Variants in PPAN observed in about 807,000 individuals in gnomAD.
PPAN encodes the protein peter pan homolog.
In PPAN, 39 loss-of-function variants were observed where a neutral mutation model predicts 48.5. The ratio of observed to expected loss-of-function variants is 0.80; its 90% CI spans 0.62 to 1.05. The LOEUF (loss-of-function observed/expected upper bound fraction) is 1.05. Ranked by LOEUF, PPAN falls within the 50% of genes least tolerant of loss-of-function variation. PPAN has a pLI of 0.00. For synonymous variants in PPAN, 315 were observed against 268.6 expected (o/e 1.17, Z -1.69); for missense variants, 736 against 661.7 (o/e 1.11, Z -1.23).
At position 10,110,438 on chromosome 19, in the gene PPAN, G is replaced by C. The variant is rs765996535; in HGVS notation, c.901+36G>C. On this transcript the variant is annotated intron_variant, in intron 9 of 11. Coordinates refer to ENST00000253107, the MANE Select transcript of PPAN (RefSeq NM_020230.7). This position sits in a 1 kb window ranked among gnomAD's most constrained non-coding sequence, Gnocchi z 5.9. ...GGCCGCCGGGGGTGGGGGGTCATGGGTGTGGAGCTGCACCCGGATCTTGGT... is the reference window on the plus strand; with the variant it reads ...GGCCGCCGGGGGTGGGGGGTCATGGCTGTGGAGCTGCACCCGGATCTTGGT... The C allele has an allele frequency of 6.2e-7, 1 of 1,612,852 alleles. No individual in the cohort carries two copies. Among genetic ancestry groups the C allele is most frequent in the African/African-American group, 1.3e-5 (1 of 74,916 alleles).
rs373404648 is a variant in PPAN at position 10,110,605 on chromosome 19, A to T, written c.1022A>T (p.Glu341Val). The part of the protein sequence containing the change: ...QNVQRKQEQR[E>V]AHRKKSLEGM... ...GTGCAGCGCAAGCAGGAGCAGCGGGAGGCCCACAGGTCCAGGCAGAGCTGG... is the reference window on the plus strand; with the variant it reads ...GTGCAGCGCAAGCAGGAGCAGCGGGTGGCCCACAGGTCCAGGCAGAGCTGG... Residue 341 changes from glutamate to valine, a missense_variant, in exon 10 of 12, where the codon GAG becomes GTG. By Grantham distance (121) the Glu-to-Val change is moderately radical. Transcript: ENST00000253107. The surrounding 1 kb of genome is among the most constrained non-coding windows in gnomAD (Gnocchi z 5.9). 2.8e-5 allele frequency: 45 copies of T among 1,604,686 alleles called. No individual in the cohort carries two copies. In the African/African-American group the frequency reaches 5.3e-4, roughly 19 times the overall value.
Position 10,111,683 on chromosome 19 carries a change from A to G in PPAN, c.*518A>G. ...TGGTGACTGGGGGAGGGGCTGGGGA[A>G]CTGGGTAGCAGACACAGGCTGAGGA... is the stretch of plus-strand genomic sequence containing the variant. On this transcript the variant is annotated 3_prime_UTR_variant, in exon 12 of 12. Coordinates refer to ENST00000253107, the MANE Select transcript of PPAN (RefSeq NM_020230.7). The G allele has an allele frequency of 1.2e-6, 2 of 1,613,136 alleles. No homozygotes were observed. Among genetic ancestry groups the G allele is most frequent in the Non-Finnish European group, 1.7e-6 (2 of 1,179,652 alleles).
At chr19:10,107,129 G>C (rs1420886590) in intron 2 of PPAN, 4 of 410,450 alleles carry the variant, frequency 9.7e-6, no homozygotes, top group Non-Finnish European at 1.9e-5. Context: ...TAAGGCTGTA[G>C]TGAATCGGGA....
Position 10,109,951 on chromosome 19 carries a change from TGAA to T in PPAN, c.634_636del (p.Lys212del), listed in dbSNP as rs749753201. The stretch of plus-strand genomic sequence containing the variant: ...GTTCCTGTGGGCGCGAGTCGCGGGA[TGAA>T]GAAGCTGCTCCAGGAGAAGTTCCCC... On this transcript the variant is annotated inframe_deletion, in exon 7 of 12. Transcript: ENST00000253107. 29 of 1,613,892 alleles carry T rather than the reference TGAA, an allele frequency of 1.8e-5. No individual in the cohort carries two copies. The Admixed American group carries it at 4.5e-4, about 25-fold the overall frequency.
rs563999387 is a variant in PPAN, at chr19:10,110,426, G to C, written c.901+24G>C. 40 of 1,609,198 alleles carry C rather than the reference G, an allele frequency of 2.5e-5. No homozygotes were observed. The South Asian group carries it at 3.4e-4, about 14-fold the overall frequency. ...TGGTGAGGCCGGGGCCGCCGGGGGT[G>C]GGGGGTCATGGGTGTGGAGCTGCAC... On this transcript the variant is annotated intron_variant, in intron 9 of 11. Transcript: ENST00000253107. This position sits in a 1 kb window ranked among gnomAD's most constrained non-coding sequence, Gnocchi z 5.9.
chr19:10,110,246 G>A lies in PPAN; in HGVS notation c.822G>A (p.Glu274=). The A allele has an allele frequency of 6.2e-7, 1 of 1,611,936 alleles. No homozygotes were observed. The highest frequency in any genetic ancestry group is 8.5e-7 in the Non-Finnish European group (1 of 1,179,642). The change falls in exon 8 of 12, where the codon GAG becomes GAA. Residue 274 remains glutamate, a splice_region_variant and synonymous_variant. Transcript: ENST00000253107. The surrounding 1 kb of genome is among the most constrained non-coding windows in gnomAD (Gnocchi z 5.9). ...RAQQSAVRLT[E]IGPRMTLQLI... Reference sequence around the variant, plus strand: ...AGCAGAGTGCAGTGCGGCTCACCGAGGTGAGGCCCAGGGCAGGGGGACCCC... The same window carrying A: ...AGCAGAGTGCAGTGCGGCTCACCGAAGTGAGGCCCAGGGCAGGGGGACCCC...
chr19:10,107,111 C>T, intron 2 of PPAN: 1 of 421,182 alleles, frequency 2.4e-6, no homozygotes, highest in Non-Finnish European at 4.7e-6. Flanking sequence ...TCCTTGAGCC[C>T]AGGAAATTAA....
In PPAN at chr19:10,106,421, C is replaced by G. The variant is rs762590771; in HGVS notation, c.18+9C>G. 6.5e-7 allele frequency: 1 copy of G among 1,548,640 alleles called. No individual in the cohort carries two copies. The highest frequency in any genetic ancestry group is 1.4e-5 in the African/African-American group (1 of 73,090). The stretch of plus-strand genomic sequence containing the variant: ...TGGGACAGTCAGGGAGGGTAAGGCC[C>G]GGCAGCTTGGGAGGCAGGTGGCGCA... On this transcript the variant is annotated intron_variant, in intron 1 of 11. Coordinates refer to ENST00000253107, the MANE Select transcript of PPAN (RefSeq NM_020230.7).
In PPAN at chr19:10,111,743, AAGG is replaced by A; in HGVS notation, c.*581_*583del. The A allele has an allele frequency of 1.9e-6, 3 of 1,613,530 alleles. No homozygotes were observed. The highest frequency in any genetic ancestry group is 1.1e-5 in the South Asian group (1 of 91,054). The stretch of plus-strand genomic sequence containing the variant: ...GAGCATGGCAGCCAACGTCTCGGGT[AAGG>A]AGAAGGCATGTTGGCTGTCTCTGGG... On this transcript the variant is annotated 3_prime_UTR_variant, in exon 12 of 12. Coordinates refer to ENST00000253107, the MANE Select transcript of PPAN (RefSeq NM_020230.7).
At chr19:10,108,171 G>A (rs749585532) in intron 5 of PPAN, 37 bp downstream of exon 5, 5 of 1,578,662 alleles carry the variant, frequency 3.2e-6, no homozygotes, top group African/African-American at 2.7e-5. Context: ...GTATGGGGGG[G>A]TGCAGCGGAT....
chr19:10,106,317 C>T (rs2088818887), upstream of PPAN: 3 of 1,543,796 alleles, frequency 1.9e-6, no homozygotes, highest in South Asian at 1.2e-5. Context: ...CACGCCGTGC[C>T]GGCTCTCAGG....
intron 4 of PPAN, 27 bp from the exon 5 acceptor site, chr19:10,107,937 C>T: frequency 3.1e-6 from 5 of 1,598,192 alleles, no homozygotes; most frequent in Non-Finnish European, 4.3e-6. Flanking sequence ...GGTTGGTGGT[C>T]ACCCCCTCCT....
In PPAN at chr19:10,106,863, A is replaced by G; in HGVS notation, c.189+192A>G. 2 of 924,838 alleles carry G rather than the reference A, an allele frequency of 2.2e-6. 1 individual carries two copies. The highest frequency in any genetic ancestry group is 3.5e-5 in the South Asian group (2 of 57,864). 57.3% of individuals were successfully genotyped at this position (924,838 alleles called of 1,614,324 possible). ...GGAGTGAGGGCGCGCAGCTTGGGAG[A>G]TAGATAGTCGCCTAAGCCTGACAGT... is the stretch of plus-strand genomic sequence containing the variant. On this transcript the variant is annotated intron_variant, in intron 2 of 11. Coordinates refer to ENST00000253107, the MANE Select transcript of PPAN (RefSeq NM_020230.7).
rs2088972643 is a variant in PPAN, at chr19:10,109,669, C to T, written c.552C>T (p.Asp184=). Residue 184 remains aspartate (D), a synonymous_variant, in exon 6 of 12, where the codon GAC becomes GAT. Transcript: ENST00000253107. ...LNTIKRCLLI[D]YNPDSQELDF... Reference sequence around the variant, plus strand: ...CCATCAAGCGCTGCCTCCTCATCGACTACAACCCCGACTCCCAGGAGCTGG... The same window carrying T: ...CCATCAAGCGCTGCCTCCTCATCGATTACAACCCCGACTCCCAGGAGCTGG... The T allele has an allele frequency of 6.8e-6, 11 of 1,614,026 alleles. No homozygotes were observed. The highest frequency in any genetic ancestry group is 9.3e-6 in the Non-Finnish European group (11 of 1,179,958).
upstream of PPAN, chr19:10,106,228 T>C: frequency 7.9e-7 from 1 of 1,262,394 alleles, no homozygotes; most frequent in South Asian, 1.5e-5. Flanking sequence ...CACCCGTGTC[T>C]CCATAGCAAC....
At position 10,110,109 on chromosome 19, in the gene PPAN, T is replaced by C. The variant is rs935772756; in HGVS notation, c.699-14T>C. On this transcript the variant is annotated splice_polypyrimidine_tract_variant and intron_variant, in intron 7 of 11. Coordinates refer to ENST00000253107, the MANE Select transcript of PPAN (RefSeq NM_020230.7). This position sits in a 1 kb window ranked among gnomAD's most constrained non-coding sequence, Gnocchi z 5.9. ...TGAGCTCCCCCACTGAGCCCTGTTA[T>C]GTCCTACACACAGGGGCGCGGGGCT... 5.6e-6 allele frequency: 9 copies of C among 1,610,946 alleles called. No homozygotes were observed. The highest frequency in any genetic ancestry group is 2.7e-5 in the African/African-American group (2 of 74,916).
rs1178404991 is a variant in PPAN at position 10,110,627 on chromosome 19, C to G, written c.1031+13C>G. 2 of 1,608,104 alleles carry G rather than the reference C, an allele frequency of 1.2e-6. No homozygotes were observed. The highest frequency in any genetic ancestry group is 8.5e-7 in the Non-Finnish European group (1 of 1,177,590). On this transcript the variant is annotated intron_variant, in intron 10 of 11. Transcript: ENST00000253107. The surrounding 1 kb of genome is among the most constrained non-coding windows in gnomAD (Gnocchi z 5.9). ...GGGAGGCCCACAGGTCCAGGCAGAG[C>G]TGGGAAGGGCAGGGCCAAGGGGGGG... is the stretch of plus-strand genomic sequence containing the variant.
At position 10,110,557 on chromosome 19, in the gene PPAN, GGCAGGCCCA is replaced by G. The variant is rs1468898415; in HGVS notation, c.985_993del (p.Gln329_Gln331del). ...AAGAAGCTGCGGCTGAAGGCGCAGA[GGCAGGCCCA>G]GCAGGCCCAGAATGTGCAGCGCAAG... On this transcript the variant is annotated inframe_deletion, in exon 10 of 12. Coordinates refer to ENST00000253107, the MANE Select transcript of PPAN (RefSeq NM_020230.7). This position sits in a 1 kb window ranked among gnomAD's most constrained non-coding sequence, Gnocchi z 5.9. 4 of 1,607,530 alleles carry G rather than the reference GGCAGGCCCA, an allele frequency of 2.5e-6. No individual in the cohort carries two copies. Among genetic ancestry groups the G allele is most frequent in the Non-Finnish European group, 2.5e-6 (3 of 1,177,938 alleles).
chr19:10,106,647 GC>G lies in PPAN; in HGVS notation c.167del (p.Pro56ArgfsTer15). On this transcript the variant is annotated frameshift_variant, in exon 2 of 12. Coordinates refer to ENST00000253107, the MANE Select transcript of PPAN (RefSeq NM_020230.7). LOFTEE classifies it high-confidence loss of function. The part of the protein sequence containing the change: ...LSLDVRRVME[P>X]LTASRLQVRK... ...GCCTGGACGTGCGGCGGGTCATGGA[GC>G]CGCTCACTGCCAGCCGTCTGCAGGT... 6.5e-7 allele frequency: 1 copy of G among 1,541,348 alleles called. No homozygotes were observed. The highest frequency in any genetic ancestry group is 8.8e-7 in the Non-Finnish European group (1 of 1,142,408).
Sources: gnomAD v4.1 joint callset for allele counts on GRCh38, gnomAD v4.1.1 for gene constraint, Gnocchi (gnomAD v3.1) non-coding constraint, MANE v1.5 for transcripts, NCBI Gene and HGNC (gene_info 2026-07-23, HGNC 2026-07-21) for gene names.